Variants in GPC4 observed in about 807,000 individuals in gnomAD.
The protein encoded by GPC4 is glypican-4.
In GPC4, 10 loss-of-function variants were observed where a neutral mutation model predicts 35.0. The observed-to-expected ratio is 0.29, with a 90% CI of 0.18 to 0.48. GPC4 has a LOEUF of 0.48. GPC4 is among the 20% of genes least tolerant of loss of function. GPC4 has a pLI of 0.99. For synonymous variants in GPC4, 167 were observed against 170.2 expected (o/e 0.98, Z 0.15); for missense variants, 322 against 451.3 (o/e 0.71, Z 2.60).
chrX:133,344,155 CTTTCTTTCTTTCTTTAT>C (rs2068479107), intron 1 of GPC4, among the ~76,000 whole-genome samples: 3 of 85,492 alleles, frequency 3.5e-5, no homozygotes, highest in East Asian at 3.6e-4. Context: ...ACTATTTTCT[CTTTCTTTCTTTCTTTAT>C]TTTCTTTCTT....
intron 2 of GPC4, among the ~76,000 whole-genome samples, chrX:133,335,099 C>T (rs2068436111): frequency 9.0e-6 from 1 of 111,233 alleles, no homozygotes; most frequent in African/African-American, 3.3e-5. Context: ...TTCCCTTTGC[C>T]AAGCAATTTT....
At chrX:133,325,293 A>T (rs1387350729) in intron 2 of GPC4, among the ~76,000 whole-genome samples, 3 of 110,193 alleles carry the variant, frequency 2.7e-5, no homozygotes, top group Non-Finnish European at 5.7e-5. Flanking sequence ...TGTGTGAGAG[A>T]GAGAGACAGA....
chrX:133,404,471 C>T (rs992830639), intron 1 of GPC4, among the ~76,000 whole-genome samples: 6 of 99,274 alleles, frequency 6.0e-5, no homozygotes, highest in Admixed American at 2.2e-4. Context: ...CGCTTGAACC[C>T]GGGAGGCGGA....
At chrX:133,303,957 GCT>G (rs1179755271) in intron 7 of GPC4, among the ~76,000 whole-genome samples, 2 of 108,501 alleles carry the variant, frequency 1.8e-5, no homozygotes, top group Non-Finnish European at 3.8e-5. Context: ...AAGGAAGGAA[GCT>G]AGCTATCCCT....
intron 3 of GPC4, 180 bp from the exon 4 acceptor site, chrX:133,311,603 G>C (rs2068314736): frequency 2.1e-6 from 1 of 487,550 alleles, no homozygotes; most frequent in Admixed American, 3.0e-5. Context: ...TACATGTTGG[G>C]ACAGGGGAGA....
chrX:133,389,115 C>A (rs767572956), intron 1 of GPC4, among the ~76,000 whole-genome samples: 17 of 109,934 alleles, frequency 1.5e-4, no homozygotes, highest in African/African-American at 4.3e-4. Context: ...CGCCACTATA[C>A]CCAGCCAATT....
intron 4 of GPC4, among the ~76,000 whole-genome samples, chrX:133,306,909 T>C (rs2068293347): frequency 8.9e-6 from 1 of 112,121 alleles, no homozygotes; most frequent in South Asian, 3.8e-4. Context: ...TGGAGTAGCA[T>C]GGCATTTTCC....
At chrX:133,365,857 TAC>T (rs2124155266) in intron 1 of GPC4, among the ~76,000 whole-genome samples, 1 of 112,677 alleles carries the variant, frequency 8.9e-6, no homozygotes, top group South Asian at 3.7e-4. Context: ...CCTAAATAGT[TAC>T]AGTTGTTTCA....
At chrX:133,316,890 G>A (rs778510616) in intron 3 of GPC4, among the ~76,000 whole-genome samples, 2 of 112,171 alleles carry the variant, frequency 1.8e-5, no homozygotes, top group South Asian at 7.5e-4. Flanking sequence ...CAATTTTAAT[G>A]TTTTGAAAGA....
intron 1 of GPC4, among the ~76,000 whole-genome samples, chrX:133,377,947 T>G (rs1490383682): frequency 1.9e-3 from 189 of 100,092 alleles, no homozygotes; most frequent in African/African-American, 6.5e-3. Flanking sequence ...CTGGCTGGAG[T>G]GCAGTGGTGT....
At chrX:133,407,821 G>T (rs980434405) in intron 1 of GPC4, among the ~76,000 whole-genome samples, 2 of 112,495 alleles carry the variant, frequency 1.8e-5, no homozygotes, top group Non-Finnish European at 3.7e-5. Context: ...CTGCCAGTTA[G>T]TCATGCCGGG....
chrX:133,300,611 T>C lies in GPC4; in HGVS notation c.*2256A>G, dbSNP rs1259719969. Reference sequence around the variant, plus strand: ...GTTCAAAAGCAAGAGACAATTTAAATAATAAAAGAGTAACAGGAAAAAATG... The same window carrying C: ...GTTCAAAAGCAAGAGACAATTTAAACAATAAAAGAGTAACAGGAAAAAATG... On this transcript the variant is annotated 3_prime_UTR_variant, in exon 9 of 9. Coordinates refer to ENST00000370828, the MANE Select transcript of GPC4 (RefSeq NM_001448.3). The C allele has an allele frequency of 9.0e-6, 1 of 111,566 alleles. No individual in the cohort carries two copies. Among genetic ancestry groups the C allele is most frequent in the Non-Finnish European group, 1.9e-5 (1 of 53,135 alleles). The allele number at this position is 111,566 out of a possible 1,213,427, so 9.2% of individuals were successfully genotyped here. A position where few individuals can be genotyped will look rare whatever the true frequency, so the allele number is the denominator to read the frequency against.
chrX:133,302,780 T>G lies in GPC4; in HGVS notation c.*87A>C. 1 of 922,890 alleles carries G rather than the reference T, an allele frequency of 1.1e-6. No individual in the cohort carries two copies. Among genetic ancestry groups the G allele is most frequent in the Non-Finnish European group, 1.5e-6 (1 of 653,014 alleles). 76.1% of individuals were successfully genotyped at this position (922,890 alleles called of 1,213,427 possible). On this transcript the variant is annotated 3_prime_UTR_variant, in exon 9 of 9. Coordinates refer to ENST00000370828, the MANE Select transcript of GPC4 (RefSeq NM_001448.3). Reference sequence around the variant, plus strand: ...AACTGTACATTGTTGTCCATTCATTTAAAAAGCAAAGTCACTAGGATGGTA... The same window carrying G: ...AACTGTACATTGTTGTCCATTCATTGAAAAAGCAAAGTCACTAGGATGGTA...
rs2068265229 is a variant in GPC4 at position 133,301,000 on chromosome X, T to C, written c.*1867A>G. The C allele has an allele frequency of 9.0e-6, 1 of 111,445 alleles. No homozygotes were observed. Among genetic ancestry groups the C allele is most frequent in the Non-Finnish European group, 1.9e-5 (1 of 53,096 alleles). The allele number at this position is 111,445 out of a possible 1,213,427, so 9.2% of individuals were successfully genotyped here. A position where few individuals can be genotyped will look rare whatever the true frequency, so the allele number is the denominator to read the frequency against. Reference sequence around the variant, plus strand: ...CTTTTCAATTTTATGTCTTCTGATTTGTTTTAAAAAAAAAACCACTTATAC... The same window carrying C: ...CTTTTCAATTTTATGTCTTCTGATTCGTTTTAAAAAAAAAACCACTTATAC... On this transcript the variant is annotated 3_prime_UTR_variant, in exon 9 of 9. Coordinates refer to ENST00000370828, the MANE Select transcript of GPC4 (RefSeq NM_001448.3).
chrX:133,363,334 C>T (rs774438717), intron 1 of GPC4, among the ~76,000 whole-genome samples: 3 of 110,734 alleles, frequency 2.7e-5, no homozygotes, highest in Non-Finnish European at 3.8e-5. Context: ...ACCACACCTG[C>T]CTGGCCTATT....
rs11388265 is a variant in GPC4 at position 133,322,557 on chromosome X, C to CAA, written c.711+1586_711+1587dup. On this transcript the variant is annotated intron_variant, in intron 3 of 8. Coordinates refer to ENST00000370828, the MANE Select transcript of GPC4 (RefSeq NM_001448.3). ...CCTGGGCGACAGAGTGAGACTCTAT[C>CAA]AAAAAAAAAAAAAGTGACACCTGTT... 7.5e-3 allele frequency among the ~76,000 whole-genome samples: 739 copies of CAA among 99,066 alleles called. 10 individuals carry two copies. The highest frequency in any genetic ancestry group is 0.025 in the African/African-American group (684 of 27,407). 86.0% of individuals were successfully genotyped at this position (99,066 alleles called of 115,157 possible). A position where few individuals can be genotyped will look rare whatever the true frequency, so the allele number is the denominator to read the frequency against.
At chrX:133,395,139 T>C (rs1057397503) in intron 1 of GPC4, among the ~76,000 whole-genome samples, 1 of 111,681 alleles carries the variant, frequency 9.0e-6, no homozygotes, top group Non-Finnish European at 1.9e-5. Context: ...CCATCCTCCA[T>C]CTTTTTTATT....
chrX:133,368,710 T>C (rs757080433), intron 1 of GPC4, among the ~76,000 whole-genome samples: 24 of 111,007 alleles, frequency 2.2e-4, no homozygotes, highest in Non-Finnish European at 4.3e-4. Context: ...AGTGGCGCAA[T>C]CTTGGCTCAC....
chrX:133,324,020 G>A (rs2124120322), intron 3 of GPC4, 125 bp downstream of exon 3: 2 of 665,811 alleles, frequency 3.0e-6, no homozygotes, highest in East Asian at 7.0e-5. Context: ...AGGTAAGAGA[G>A]GAAGAAAAGG....
Sources: allele counts gnomAD v4.1 joint callset (sites outside exome capture counted in the v4.1 genomes callset), GRCh38; gene constraint gnomAD v4.1.1; transcripts MANE v1.5; gene names NCBI Gene and HGNC (gene_info 2026-07-23, HGNC 2026-07-21).